Variants in MYT1L observed in about 807,000 individuals in gnomAD.
MYT1L encodes the protein myelin transcription factor 1 like.
Under a neutral mutation model 126.7 loss-of-function variants are expected in MYT1L, and 12 were observed. The ratio of observed to expected loss-of-function variants is 0.09; its 90% CI spans 0.06 to 0.15. MYT1L has a LOEUF of 0.15. Ranked by LOEUF, MYT1L falls within the 10% of genes least tolerant of loss-of-function variation. The probability of loss-of-function intolerance (pLI) is 1.00; values close to 1 mark genes in which losing one functional copy is unlikely to be tolerated. For missense variants in MYT1L, 979 were observed against 1,585.2 expected (o/e 0.62, Z 6.49); for synonymous variants, 541 against 604.2 (o/e 0.90, Z 1.53).
intron 2 of MYT1L, among the ~76,000 whole-genome samples, chr2:2,222,837 C>A (rs1030502159): frequency 3.3e-5 from 5 of 152,036 alleles, no homozygotes; most frequent in African/African-American, 1.2e-4. Flanking sequence ...AAAAGTAAAA[C>A]ATCAAATAAA....
chr2:2,112,975 T>C (rs997710978), intron 3 of MYT1L, among the ~76,000 whole-genome samples: 2 of 152,156 alleles, frequency 1.3e-5, no homozygotes, highest in East Asian at 3.9e-4. Flanking sequence ...AACTGCCTGA[T>C]ACAGTGCTTG....
intron 5 of MYT1L, among the ~76,000 whole-genome samples, chr2:1,995,793 G>A (rs545222938): frequency 6.6e-6 from 1 of 152,308 alleles, no homozygotes; most frequent in South Asian, 2.1e-4. Flanking sequence ...CCAGGAGGAG[G>A]CCAGCGTGTA....
intron 22 of MYT1L, among the ~76,000 whole-genome samples, chr2:1,807,893 G>A (rs1209012261): frequency 1.3e-5 from 2 of 152,186 alleles, no homozygotes; most frequent in African/African-American, 4.8e-5. Flanking sequence ...ACCTCCACGT[G>A]TCGTGGGAGG....
intron 3 of MYT1L, among the ~76,000 whole-genome samples, chr2:2,128,760 G>C (rs1280981925): frequency 1.3e-5 from 2 of 152,100 alleles, no homozygotes; most frequent in African/African-American, 2.4e-5. Context: ...TAATTCAACA[G>C]CATAGGTCAT....
chr2:1,798,153 C>T (rs1284184382), intron 23 of MYT1L, among the ~76,000 whole-genome samples: 4 of 40,606 alleles, frequency 9.9e-5, no homozygotes, highest in African/African-American at 2.0e-4. Flanking sequence ...GGCACAGGCG[C>T]GGCGGTCTCC....
chr2:1,905,260 A>G (rs2050892265), intron 13 of MYT1L, among the ~76,000 whole-genome samples: 1 of 152,220 alleles, frequency 6.6e-6, no homozygotes, highest in Non-Finnish European at 1.5e-5. Flanking sequence ...ATTATATAAA[A>G]TGTATTCCAA....
intron 1 of MYT1L, among the ~76,000 whole-genome samples, chr2:2,300,680 C>T (rs1365315562): frequency 6.6e-6 from 1 of 152,210 alleles, no homozygotes; most frequent in Admixed American, 6.5e-5. Context: ...AGTTGTCTAA[C>T]CTCTGGTGGT....
intron 2 of MYT1L, among the ~76,000 whole-genome samples, chr2:2,250,947 TG>T (rs1171096743): frequency 6.6e-6 from 1 of 152,132 alleles, no homozygotes; most frequent in Non-Finnish European, 1.5e-5. Flanking sequence ...AATTAAAAAA[TG>T]TTTAAAATTA....
intron 3 of MYT1L, among the ~76,000 whole-genome samples, chr2:2,142,697 T>A (rs2084192441): frequency 6.6e-6 from 1 of 151,616 alleles, no homozygotes; most frequent in Non-Finnish European, 1.5e-5. Context: ...ACTATTTTTG[T>A]TTTTTTTGAG....
chr2:2,139,062 A>G (rs1401152727), intron 3 of MYT1L, among the ~76,000 whole-genome samples: 3 of 151,878 alleles, frequency 2.0e-5, no homozygotes, highest in East Asian at 3.9e-4. Flanking sequence ...AGGACCCTGT[A>G]TTAGGTGCCA....
At chr2:2,023,881 A>G (rs2065279103) in intron 4 of MYT1L, among the ~76,000 whole-genome samples, 1 of 152,176 alleles carries the variant, frequency 6.6e-6, no homozygotes, top group African/African-American at 2.4e-5. Context: ...TAATGCAGTG[A>G]TAAGATTGAG....
rs149576728 is a variant in MYT1L at position 1,880,378 on chromosome 2, C to T, written c.2711+6161G>A. On this transcript the variant is annotated intron_variant, in intron 18 of 24. Transcript: ENST00000647738. ...TTCGAGACAGACTCTCACTCTGTCA[C>T]ACAGGCTGGAGTGCAGTGGCGCGAT... Among the ~76,000 whole-genome samples, 550 of 152,232 alleles carry T rather than the reference C, an allele frequency of 3.6e-3. 4 individuals carry two copies. Among genetic ancestry groups the T allele is most frequent in the African/African-American group, 0.012 (504 of 41,538 alleles).
intron 3 of MYT1L, among the ~76,000 whole-genome samples, chr2:2,093,136 T>C (rs913356167): frequency 1.1e-4 from 16 of 152,206 alleles, no homozygotes; most frequent in African/African-American, 3.9e-4. Flanking sequence ...AAGAGCGTTT[T>C]CATTAGAGTT....
intron 1 of MYT1L, among the ~76,000 whole-genome samples, chr2:2,300,263 G>C (rs1399794081): frequency 2.6e-5 from 4 of 152,188 alleles, no homozygotes; most frequent in Admixed American, 2.6e-4. Context: ...TTTGACTTCT[G>C]ATTGCCTCTG....
intron 4 of MYT1L, among the ~76,000 whole-genome samples, chr2:2,033,552 C>T (rs2066642613): frequency 6.6e-6 from 1 of 152,048 alleles, no homozygotes; most frequent in South Asian, 2.1e-4. Context: ...CTGAAAAGAA[C>T]TTTGGCTTTA....
intron 18 of MYT1L, among the ~76,000 whole-genome samples, chr2:1,860,311 CA>C (rs879771594): frequency 2.6e-4 from 38 of 148,044 alleles, no homozygotes; most frequent in East Asian, 1.2e-3. Context: ...AGGACCCATG[CA>C]AAAAAAAAAT....
At chr2:1,926,739 A>G (rs1484706928) in intron 9 of MYT1L, among the ~76,000 whole-genome samples, 1 of 152,150 alleles carries the variant, frequency 6.6e-6, no homozygotes, top group Non-Finnish European at 1.5e-5. Flanking sequence ...AGGTTTTGCC[A>G]TGTTGGCCAG....
At chr2:2,015,135 C>A (rs377331476) in intron 4 of MYT1L, among the ~76,000 whole-genome samples, 10 of 152,226 alleles carry the variant, frequency 6.6e-5, no homozygotes, top group Admixed American at 5.9e-4. Context: ...AGCTCGACCA[C>A]GCGGGTTTTA....
rs2041577755 is a variant in MYT1L at position 1,840,900 on chromosome 2, CTTTCTTTTTTTT to C, written c.2775-69_2775-58del. ...CACACCGTTGATTTCAGTGAGCTTT[CTTTCTTTTTTTT>C]TTTTTTTTTGAGACAGAGTCTCACT... On this transcript the variant is annotated intron_variant, in intron 19 of 24. Transcript: ENST00000647738. 4 of 759,584 alleles carry C rather than the reference CTTTCTTTTTTTT, an allele frequency of 5.3e-6. No individual in the cohort carries two copies. The South Asian group carries it at 5.7e-5, about 11-fold the overall frequency. The allele number at this position is 759,584 out of a possible 1,614,324, so 47.1% of individuals were successfully genotyped here.
Sources: allele counts gnomAD v4.1 joint callset (sites outside exome capture counted in the v4.1 genomes callset), GRCh38; gene constraint gnomAD v4.1.1; transcripts MANE v1.5; gene names NCBI Gene and HGNC (gene_info 2026-07-23, HGNC 2026-07-21).